THUMPD2: variants seen among roughly 807,000 people sequenced by gnomAD.
The protein encoded by THUMPD2 is THUMP domain 2 tRNA and snRNA guanosine methyltransferase, also known as U6 snRNA (guanine-N(2))-methyltransferase THUMPD2.
A neutral mutation model predicts 49.4 loss-of-function variants in THUMPD2; 56 were observed. That is an observed-to-expected ratio of 1.13 (90% confidence interval 0.91 to 1.41). The LOEUF is 1.41. Among genes scored for constraint, THUMPD2 ranks in the 40% most tolerant of loss-of-function variants. The pLI is 0.00. For missense variants in THUMPD2, 709 were observed against 594.5 expected, an observed-to-expected ratio of 1.19 and a Z score of -2.00; for synonymous variants, 237 against 205.2, an observed-to-expected ratio of 1.15 and a Z score of -1.32.
In THUMPD2 at chr2:39,736,772, A is replaced by G. The variant is rs1300592269; in HGVS notation, c.1475T>C (p.Ile492Thr). 2 of 1,613,988 alleles carry G rather than the reference A, an allele frequency of 1.2e-6. No homozygotes were observed. The highest frequency in any genetic ancestry group is 2.2e-5 in the East Asian group (1 of 44,884). The change falls in exon 10 of 10, where the codon ATA becomes ACA. Residue 492 changes from isoleucine (I) to threonine (T), a missense_variant. Physicochemically the swap from Ile to Thr is moderately conservative, Grantham distance 89 (BLOSUM62 -1). Transcript: ENST00000505747. Reference protein sequence around the residue: ...KVSLGKTDAFICKYKKSHSSG... With the variant: ...KVSLGKTDAFTCKYKKSHSSG... The stretch of plus-strand genomic sequence containing the variant: ...AGAGTGCGACTTCTTATATTTACAT[A>G]TGAACGCATCTGTCTTTCCAAGGCT...
At chr2:39,760,876 AAT>A (rs1676731715) in intron 6 of THUMPD2, among the ~76,000 whole-genome samples, 2 of 152,202 alleles carry the variant, frequency 1.3e-5, no homozygotes, top group African/African-American at 4.8e-5. Flanking sequence ...AAAAAAATAC[AAT>A]ATGAGATTTC....
At chr2:39,764,328 C>T (rs572004130) in intron 5 of THUMPD2, among the ~76,000 whole-genome samples, 183 of 152,278 alleles carry the variant, frequency 1.2e-3, no homozygotes, top group Non-Finnish European at 2.1e-3. Context: ...CTATTATTTT[C>T]CTGATTTTAT....
Position 39,770,899 on chromosome 2 carries a change from C to G in THUMPD2, c.262+606G>C, listed in dbSNP as rs377190572. Among the ~76,000 whole-genome samples, 4 of 152,150 alleles carry G rather than the reference C, an allele frequency of 2.6e-5. No homozygotes were observed. The South Asian group carries it at 8.3e-4, about 32-fold the overall frequency. ...CTTACGTAATTCAAATTGAAGTTTACGGCAGCATTTAATCCTGCAGTGTCT... is the reference window on the plus strand; with the variant it reads ...CTTACGTAATTCAAATTGAAGTTTAGGGCAGCATTTAATCCTGCAGTGTCT... On this transcript the variant is annotated intron_variant, in intron 2 of 9. Transcript: ENST00000505747.
chr2:39,769,596 G>T, intron 3 of THUMPD2, 114 bp downstream of exon 3: 1 of 1,098,102 alleles, frequency 9.1e-7, no homozygotes, highest in Non-Finnish European at 1.2e-6. Context: ...CAGCTACTCA[G>T]GAGGCTGAGG....
chr2:39,779,203 C>G lies in THUMPD2; in HGVS notation c.37G>C (p.Glu13Gln). ...GTGCAGAAGAATCGGGCGCCAGCCT[C>G]AGGCCCGGACCCTGGCTCTCCACGC... is the stretch of plus-strand genomic sequence containing the variant. ...EARGEPGSGP[E>Q]AGARFFCTAG... The change falls in exon 1 of 10, where the codon GAG (glutamate) becomes CAG (glutamine). Residue 13 changes from glutamate (E) to glutamine (Q), a missense_variant. By Grantham distance (29) the Glu-to-Gln change is conservative. Coordinates refer to ENST00000505747, the MANE Select transcript of THUMPD2 (RefSeq NM_025264.5). The G allele has an allele frequency of 6.6e-7, 1 of 1,511,596 alleles. No individual in the cohort carries two copies. The highest frequency in any genetic ancestry group is 8.8e-7 in the Non-Finnish European group (1 of 1,135,770). 93.6% of individuals were successfully genotyped at this position (1,511,596 alleles called of 1,614,324 possible).
chr2:39,769,125 G>A (rs1677952312), intron 3 of THUMPD2: 3 of 1,293,738 alleles, frequency 2.3e-6, no homozygotes, highest in South Asian at 2.5e-5. Flanking sequence ...TAAGCACAAA[G>A]CTGAACTGAA....
Position 39,771,499 on chromosome 2 carries a change from C to A in THUMPD2, c.262+6G>T, listed in dbSNP as rs1355219542. On this transcript the variant is annotated splice_donor_region_variant and intron_variant, in intron 2 of 9. Transcript: ENST00000505747. ...TAAAAGCAACATGCATATGAATATGCCATACCTTTACTTACAGAAGAAATA... is the reference window on the plus strand; with the variant it reads ...TAAAAGCAACATGCATATGAATATGACATACCTTTACTTACAGAAGAAATA... 1 of 1,594,222 alleles carries A rather than the reference C, an allele frequency of 6.3e-7. No homozygotes were observed. Among genetic ancestry groups the A allele is most frequent in the African/African-American group, 1.4e-5 (1 of 73,410 alleles).
chr2:39,746,903 G>T (rs1365990641), intron 8 of THUMPD2, among the ~76,000 whole-genome samples: 3 of 152,012 alleles, frequency 2.0e-5, no homozygotes. Flanking sequence ...TTATTGTCCA[G>T]GTTTATAATA....
chr2:39,758,659 G>A (rs1280668644), intron 6 of THUMPD2, among the ~76,000 whole-genome samples: 3 of 152,128 alleles, frequency 2.0e-5, no homozygotes, highest in African/African-American at 7.2e-5. Flanking sequence ...TGAGCCTGGG[G>A]TGCCAGAGAT....
At position 39,755,276 on chromosome 2, in the gene THUMPD2, T is replaced by C. The variant is rs776331700; in HGVS notation, c.1078+19A>G. 1.5e-5 allele frequency: 21 copies of C among 1,400,284 alleles called. No homozygotes were observed. The African/African-American group carries it at 3.2e-4, about 21-fold the overall frequency. The allele number at this position is 1,400,284 out of a possible 1,614,324, so 86.7% of individuals were successfully genotyped here. A position where few individuals can be genotyped will look rare whatever the true frequency, so the allele number is the denominator to read the frequency against. On this transcript the variant is annotated intron_variant, in intron 8 of 9. Transcript: ENST00000505747. ...ACATTGTTCCTTTTCTCAATTGTTT[T>C]GCATTTTTAGTATCTTACCTATAAC... is the stretch of plus-strand genomic sequence containing the variant.
intron 9 of THUMPD2, among the ~76,000 whole-genome samples, chr2:39,737,902 A>T (rs1173073586): frequency 6.6e-6 from 1 of 151,816 alleles, no homozygotes. Flanking sequence ...GGTGAGTCAC[A>T]GCGGGTGGGA....
intron 8 of THUMPD2, among the ~76,000 whole-genome samples, chr2:39,746,446 T>C: frequency 6.6e-6 from 1 of 152,224 alleles, no homozygotes; most frequent in South Asian, 2.1e-4. Flanking sequence ...CAGGTACTCC[T>C]AGAACCATGA....
At chr2:39,778,560 C>T (rs1679414270) in intron 1 of THUMPD2, among the ~76,000 whole-genome samples, 1 of 152,230 alleles carries the variant, frequency 6.6e-6, no homozygotes, top group Admixed American at 6.5e-5. Flanking sequence ...TAAACCGATG[C>T]TTAAAACCTT....
At position 39,744,384 on chromosome 2, in the gene THUMPD2, T is replaced by G; in HGVS notation, c.1173A>C (p.Leu391=). 1 of 1,570,818 alleles carries G rather than the reference T, an allele frequency of 6.4e-7. No homozygotes were observed. The highest frequency in any genetic ancestry group is 8.6e-7 in the Non-Finnish European group (1 of 1,161,238). The change falls in exon 9 of 10, where the codon CTA becomes CTC. Residue 391 remains leucine, a synonymous_variant. Transcript: ENST00000505747. ...FKLGKDIKSI[L]QEMERVLHVG... The stretch of plus-strand genomic sequence containing the variant: ...CAACAACTTACCTTTCCATTTCTTG[T>G]AGAATGCTTTTGATGTCTTTTCCTA...
At chr2:39,755,775 T>A (rs1255107084) in intron 7 of THUMPD2, 114 bp downstream of exon 7, 1 of 827,354 alleles carries the variant, frequency 1.2e-6, no homozygotes, top group Admixed American at 2.5e-5. Flanking sequence ...TAATAACTCA[T>A]ATAATTAAAA....
intron 9 of THUMPD2, among the ~76,000 whole-genome samples, chr2:39,742,675 A>C (rs1175602928): frequency 3.3e-5 from 5 of 152,172 alleles, no homozygotes; most frequent in Non-Finnish European, 2.9e-5. Context: ...CAGATTATCT[A>C]GTTAGGTTCA....
rs142751159 is a variant in THUMPD2, at chr2:39,737,003, C to T, written c.1244G>A (p.Arg415His). 5.0e-5 allele frequency: 81 copies of T among 1,613,960 alleles called. No individual in the cohort carries two copies. In the East Asian group the frequency reaches 5.6e-4, roughly 11 times the overall value. Residue 415 changes from arginine to histidine, a missense_variant, in exon 10 of 10, where the codon CGC becomes CAC. By Grantham distance (29) the Arg-to-His change is conservative (BLOSUM62 0). Transcript: ENST00000505747. ...VLLLSEDHHR[R>H]LTDCKESNIP... ...GTTGCTCTCTTTACAATCTGTAAGGCGCCTGTGGTGATCTTCACTAAGCAA... is the reference window on the plus strand; with the variant it reads ...GTTGCTCTCTTTACAATCTGTAAGGTGCCTGTGGTGATCTTCACTAAGCAA...
chr2:39,773,920 C>G (rs1042368025), intron 1 of THUMPD2, among the ~76,000 whole-genome samples: 1 of 152,184 alleles, frequency 6.6e-6, no homozygotes, highest in Non-Finnish European at 1.5e-5. Context: ...TTGAATAACA[C>G]TGTTTCGTTC....
At chr2:39,766,263 CT>C (rs199977694) in intron 4 of THUMPD2, 154 bp from the exon 5 acceptor site, 39 of 468,140 alleles carry the variant, frequency 8.3e-5, no homozygotes, top group Non-Finnish European at 1.1e-4. Flanking sequence ...GTTCTATAAT[CT>C]TTTTTTTTCT....
Sources: gnomAD v4.1 joint callset for allele counts (sites outside exome capture counted in the v4.1 genomes callset) on GRCh38, gnomAD v4.1.1 for gene constraint, MANE v1.5 for transcripts, NCBI Gene and HGNC (gene_info 2026-07-23, HGNC 2026-07-21) for gene names.